Variants in CNKSR2 observed in about 807,000 individuals in gnomAD.
CNKSR2 encodes the protein CNK homolog protein 2.
In CNKSR2, 14 loss-of-function variants were observed where a neutral mutation model predicts 84.4. The ratio of observed to expected loss-of-function variants is 0.17; its 90% confidence interval spans 0.11 to 0.26. The LOEUF (loss-of-function observed/expected upper bound fraction) is 0.26, where lower values mean the gene tolerates loss of function less well. Ranked by LOEUF, CNKSR2 falls within the 10% of genes least tolerant of loss-of-function variation. The pLI, the probability that CNKSR2 is intolerant of heterozygous loss-of-function variation, is 1.00. For missense variants in CNKSR2, 485 were observed against 771.2 expected, an observed-to-expected ratio of 0.63 and a Z score of 4.40; for synonymous variants, 275 against 277.9, an observed-to-expected ratio of 0.99 and a Z score of 0.10.
At chrX:21,412,918 C>T (rs934366223) in intron 1 of CNKSR2, among the ~76,000 whole-genome samples, 1 of 111,884 alleles carries the variant, frequency 8.9e-6, no homozygotes, top group Non-Finnish European at 1.9e-5. Flanking sequence ...TATCATCAAA[C>T]GTACTATCTT....
intron 11 of CNKSR2, among the ~76,000 whole-genome samples, chrX:21,532,768 A>G (rs2091896943): frequency 8.9e-6 from 1 of 112,028 alleles, no homozygotes; most frequent in East Asian, 2.8e-4. Flanking sequence ...GCAAGAATAA[A>G]TGGATTTAAT....
At chrX:21,509,542 C>G (rs963035740) in intron 8 of CNKSR2, among the ~76,000 whole-genome samples, 2 of 111,638 alleles carry the variant, frequency 1.8e-5, no homozygotes, top group African/African-American at 3.2e-5. Flanking sequence ...TTACTCTAAG[C>G]TAGGGTTAAA....
At chrX:21,488,510 A>G (rs1472746264) in intron 5 of CNKSR2, among the ~76,000 whole-genome samples, 1 of 111,552 alleles carries the variant, frequency 9.0e-6, no homozygotes, top group Non-Finnish European at 1.9e-5. Context: ...TTCTATGGGT[A>G]TTGGTACCAT....
intron 1 of CNKSR2, among the ~76,000 whole-genome samples, chrX:21,382,598 T>A (rs886270331): frequency 9.0e-6 from 1 of 111,420 alleles, no homozygotes; most frequent in Non-Finnish European, 1.9e-5. Flanking sequence ...AAAGCTCATA[T>A]AAAAAATTAA....
At chrX:21,375,040 C>A in intron 1 of CNKSR2, 79 bp downstream of exon 1, 1 of 810,286 alleles carries the variant, frequency 1.2e-6, no homozygotes, top group Non-Finnish European at 1.9e-6. Context: ...GCGCCCGCCG[C>A]GCCAGAGCCC....
intron 8 of CNKSR2, 114 bp from the exon 9 acceptor site, chrX:21,516,371 G>A: frequency 4.0e-6 from 3 of 753,889 alleles, no homozygotes; most frequent in Non-Finnish European, 5.8e-6. Flanking sequence ...AAATTGATAG[G>A]ATGGTACACC....
intron 14 of CNKSR2, 73 bp from the exon 15 acceptor site, chrX:21,590,949 T>C: frequency 1.1e-6 from 1 of 906,633 alleles, no homozygotes; most frequent in Non-Finnish European, 1.5e-6. Context: ...CTCATACTTC[T>C]TTTTGGTATC....
intron 17 of CNKSR2, 83 bp from the exon 18 acceptor site, chrX:21,601,199 A>G (rs2092479648): frequency 5.4e-6 from 3 of 554,819 alleles, no homozygotes; most frequent in Non-Finnish European, 8.8e-6. Context: ...ATATTCTTAG[A>G]CATTTTAAAA....
chrX:21,405,282 G>A (rs1209021384), intron 1 of CNKSR2, among the ~76,000 whole-genome samples: 1 of 111,532 alleles, frequency 9.0e-6, no homozygotes, highest in Admixed American at 9.5e-5. Flanking sequence ...TTCTTATCCA[G>A]GAATGTGCTA....
chrX:21,639,105 T>A (rs1227305062), intron 20 of CNKSR2, among the ~76,000 whole-genome samples: 1 of 112,223 alleles, frequency 8.9e-6, no homozygotes, highest in Non-Finnish European at 1.9e-5. Flanking sequence ...AATGAAGTTG[T>A]CCACTACAAA....
intron 13 of CNKSR2, among the ~76,000 whole-genome samples, chrX:21,582,458 T>C (rs748238769): frequency 8.0e-5 from 9 of 111,919 alleles, no homozygotes; most frequent in Admixed American, 1.9e-4. Flanking sequence ...CTTTAATTGT[T>C]ACTATGACTA....
intron 11 of CNKSR2, among the ~76,000 whole-genome samples, chrX:21,558,848 A>G (rs1264561256): frequency 1.8e-5 from 2 of 111,676 alleles, no homozygotes; most frequent in East Asian, 5.6e-4. Context: ...AGCAAGTGAA[A>G]CAACTGCTTA....
chrX:21,412,408 C>A (rs890905065), intron 1 of CNKSR2, among the ~76,000 whole-genome samples: 1 of 111,867 alleles, frequency 8.9e-6, no homozygotes, highest in African/African-American at 3.2e-5. Context: ...ATACAAAATT[C>A]TTTTTTCCCT....
At chrX:21,569,428 A>G (rs1381296333) in intron 13 of CNKSR2, among the ~76,000 whole-genome samples, 2 of 111,768 alleles carry the variant, frequency 1.8e-5, no homozygotes, top group Admixed American at 1.9e-4. Context: ...CCACAGTAGA[A>G]CTTCATTCAA....
chrX:21,393,890 T>C (rs757231340), intron 1 of CNKSR2, among the ~76,000 whole-genome samples: 11 of 112,540 alleles, frequency 9.8e-5, no homozygotes, highest in Non-Finnish European at 2.1e-4. Context: ...AAAAGACGCA[T>C]TCCTCTTCCC....
At chrX:21,472,659 A>C (rs894550063) in intron 5 of CNKSR2, among the ~76,000 whole-genome samples, 5 of 111,777 alleles carry the variant, frequency 4.5e-5, no homozygotes, top group African/African-American at 1.6e-4. Flanking sequence ...ATTTGTGATC[A>C]ATATTCAAAT....
At chrX:21,534,537 AT>A (rs1392980094) in intron 11 of CNKSR2, among the ~76,000 whole-genome samples, 3 of 110,052 alleles carry the variant, frequency 2.7e-5, no homozygotes, top group Non-Finnish European at 5.7e-5. Flanking sequence ...GACGGTACCA[AT>A]TTACATTCTC....
At chrX:21,521,151 G>A (rs1357185612) in intron 9 of CNKSR2, among the ~76,000 whole-genome samples, 5 of 109,550 alleles carry the variant, frequency 4.6e-5, no homozygotes, top group African/African-American at 9.9e-5. Context: ...AGGTCGTTGT[G>A]ACTGAAAAAA....
intron 11 of CNKSR2, among the ~76,000 whole-genome samples, chrX:21,545,499 A>T (rs1188648215): frequency 8.9e-6 from 1 of 112,142 alleles, no homozygotes; most frequent in Admixed American, 9.4e-5. Flanking sequence ...CAGCTTCGGC[A>T]GACTTAAACA....
Sources: gnomAD v4.1 joint callset for allele counts (sites outside exome capture counted in the v4.1 genomes callset) on GRCh38, gnomAD v4.1.1 for gene constraint, MANE v1.5 for transcripts, NCBI Gene and HGNC (gene_info 2026-07-23, HGNC 2026-07-21) for gene names.